GPHN: variants seen among roughly 807,000 people sequenced by gnomAD.
GPHN encodes gephyrin.
In GPHN, 17 loss-of-function variants were observed where a neutral mutation model predicts 95.5. The observed-to-expected ratio is 0.18, with a 90% CI of 0.12 to 0.27. GPHN has a LOEUF of 0.27. Among genes scored for constraint, GPHN ranks in the 10% least tolerant of loss-of-function variants. The pLI is 1.00. For missense variants in GPHN, 660 were observed against 978.1 expected, an observed-to-expected ratio of 0.67 and a Z score of 4.34; for synonymous variants, 320 against 322.5, an observed-to-expected ratio of 0.99 and a Z score of 0.08.
chr14:67,665,456 A>G, the GPHN span, among the ~76,000 whole-genome samples: 2 of 151,488 alleles, frequency 1.3e-5, no homozygotes, highest in African/African-American at 4.9e-5. Context: ...TTTGGTAGAG[A>G]TGGGGCCTCA....
At chr14:66,551,572 T>A (rs2059813430) in intron 1 of GPHN, among the ~76,000 whole-genome samples, 1 of 152,206 alleles carries the variant, frequency 6.6e-6, no homozygotes, top group East Asian at 1.9e-4. Context: ...GACTTGGTTA[T>A]CCTCTAGACA....
intron 4 of GPHN, among the ~76,000 whole-genome samples, chr14:66,874,593 G>A (rs186673668): frequency 3.0e-4 from 46 of 152,092 alleles, no homozygotes; most frequent in East Asian, 1.9e-4. Flanking sequence ...AACACAACAC[G>A]AAAACTTCAT....
chr14:66,790,659 T>C (rs2059938326), intron 3 of GPHN, among the ~76,000 whole-genome samples: 1 of 151,952 alleles, frequency 6.6e-6, no homozygotes, highest in Non-Finnish European at 1.5e-5. Flanking sequence ...ACAGAAAAGA[T>C]AGGAAAGGGA....
At chr14:66,912,491 A>G (rs767143522) in intron 5 of GPHN, among the ~76,000 whole-genome samples, 4 of 152,174 alleles carry the variant, frequency 2.6e-5, no homozygotes, top group Non-Finnish European at 4.4e-5. Context: ...ACAATGCGCT[A>G]TGTAACATGC....
intron 9 of GPHN, among the ~76,000 whole-genome samples, chr14:66,974,678 T>C (rs1342786564): frequency 1.3e-5 from 2 of 152,148 alleles, no homozygotes; most frequent in South Asian, 2.1e-4. Flanking sequence ...AAAAAATTTT[T>C]AAAATTCACA....
At chr14:66,957,438 C>T (rs1210379201) in intron 8 of GPHN, among the ~76,000 whole-genome samples, 1 of 151,938 alleles carries the variant, frequency 6.6e-6, no homozygotes, top group African/African-American at 2.4e-5. Flanking sequence ...TCAGGTGATC[C>T]ACCCACCTCG....
the GPHN span, chr14:67,724,978 T>G: frequency 1.7e-6 from 2 of 1,158,532 alleles, no homozygotes; most frequent in South Asian, 2.5e-5. Flanking sequence ...ATATGTTCAC[T>G]CTACCGTTGA....
chr14:66,670,259 G>T (rs528536228), intron 1 of GPHN, among the ~76,000 whole-genome samples: 1 of 152,248 alleles, frequency 6.6e-6, no homozygotes, highest in East Asian at 1.9e-4. Context: ...TTTTGGCTAG[G>T]ATTGGTAGGA....
intron 9 of GPHN, among the ~76,000 whole-genome samples, chr14:66,978,150 A>G (rs889340108): frequency 1.3e-5 from 2 of 152,250 alleles, no homozygotes; most frequent in African/African-American, 4.8e-5. Context: ...CTGAGCCATC[A>G]GCAGGTCATA....
chr14:66,858,358 T>G (rs926976924), intron 4 of GPHN, among the ~76,000 whole-genome samples: 5 of 151,516 alleles, frequency 3.3e-5, no homozygotes, highest in Non-Finnish European at 7.4e-5. Flanking sequence ...CCAGGCAGAG[T>G]CATGAGGCCC....
intron 4 of GPHN, among the ~76,000 whole-genome samples, chr14:66,850,700 G>T (rs1259071555): frequency 6.6e-6 from 1 of 152,046 alleles, no homozygotes; most frequent in Admixed American, 6.6e-5. Flanking sequence ...CGGCAATAAA[G>T]AATTATCTGA....
the GPHN span, among the ~76,000 whole-genome samples, chr14:67,454,894 G>A: frequency 6.6e-6 from 1 of 151,054 alleles, no homozygotes; most frequent in South Asian, 2.1e-4. Flanking sequence ...TCTTTTTTGA[G>A]ACGGAGTCTC....
At chr14:67,456,418 T>C in the GPHN span, among the ~76,000 whole-genome samples, 4 of 151,918 alleles carry the variant, frequency 2.6e-5, no homozygotes, top group Non-Finnish European at 4.4e-5. Context: ...CTGGCCAACA[T>C]GGTGAAACCC....
intron 1 of GPHN, among the ~76,000 whole-genome samples, chr14:66,657,047 G>A (rs987573505): frequency 1.6e-4 from 25 of 152,144 alleles, no homozygotes; most frequent in Middle Eastern, 3.2e-3. Context: ...AGGTGTGAAT[G>A]GAAACTAAAA....
chr14:66,531,648 G>A (rs2058943160), intron 1 of GPHN, among the ~76,000 whole-genome samples: 1 of 152,020 alleles, frequency 6.6e-6, no homozygotes. Context: ...GTGATATATT[G>A]GTCTGACCAT....
At chr14:67,056,129 G>A (rs1454549727) in intron 10 of GPHN, among the ~76,000 whole-genome samples, 1 of 152,208 alleles carries the variant, frequency 6.6e-6, no homozygotes, top group Non-Finnish European at 1.5e-5. Context: ...CTGCTGGCTT[G>A]GGCAGCCTGC....
the GPHN span, among the ~76,000 whole-genome samples, chr14:67,661,051 T>C: frequency 6.6e-5 from 10 of 152,002 alleles, no homozygotes; most frequent in East Asian, 1.9e-4. Flanking sequence ...CAGAACTTCA[T>C]TGGGATAAGT....
At chr14:67,216,041 T>C in the GPHN span, among the ~76,000 whole-genome samples, 1 of 152,170 alleles carries the variant, frequency 6.6e-6, no homozygotes, top group African/African-American at 2.4e-5. Context: ...ACTGAGCAAA[T>C]AGTGCATAGA....
intron 16 of GPHN, among the ~76,000 whole-genome samples, chr14:67,118,641 T>C (rs1212648259): frequency 6.6e-6 from 1 of 151,330 alleles, no homozygotes; most frequent in African/African-American, 2.4e-5. Flanking sequence ...GGCAGGAGAA[T>C]GGCGTGAACC....
Sources: allele counts gnomAD v4.1 joint callset (sites outside exome capture counted in the v4.1 genomes callset), GRCh38; gene constraint gnomAD v4.1.1; transcripts MANE v1.5; gene names NCBI Gene and HGNC (gene_info 2026-07-23, HGNC 2026-07-21).